The following EYA2 variants were observed in gnomAD, a reference collection of about 807,000 sequenced individuals.
EYA2 encodes EYA transcriptional coactivator and phosphatase 2.
In EYA2, 31 loss-of-function variants were observed where a neutral mutation model predicts 69.2. The ratio of observed to expected loss-of-function variants is 0.45; its 90% CI spans 0.34 to 0.60. EYA2 has a LOEUF of 0.60. Among genes scored for constraint, EYA2 ranks in the 20% least tolerant of loss-of-function variants. The pLI is 0.02. For missense variants in EYA2, 622 were observed against 701.2 expected, an observed-to-expected ratio of 0.89 and a Z score of 1.28; for synonymous variants, 257 against 279.4, an observed-to-expected ratio of 0.92 and a Z score of 0.80.
intron 6 of EYA2, among the ~76,000 whole-genome samples, chr20:47,072,787 C>G (rs1010183541): frequency 3.3e-5 from 5 of 152,316 alleles, no homozygotes; most frequent in East Asian, 3.9e-4. Flanking sequence ...TGCAGTAACT[C>G]TGCTGTGTGT....
intron 1 of EYA2, among the ~76,000 whole-genome samples, chr20:46,987,820 G>A (rs559748692): frequency 8.0e-5 from 12 of 150,708 alleles, no homozygotes; most frequent in Non-Finnish European, 1.0e-4. Context: ...TCAGCTACTC[G>A]GGAGGCTGAG....
At chr20:47,166,413 AAAAAAAAAAAAAAAAAAAG>A (rs2034192698) in intron 10 of EYA2, among the ~76,000 whole-genome samples, 2 of 142,776 alleles carry the variant, frequency 1.4e-5, no homozygotes, top group African/African-American at 2.7e-5. Context: ...AAAAAAAAAA[AAAAAAAAAAAAAAAAAAAG>A]CTTTTTGCTT....
chr20:46,964,040 G>A (rs957368168), intron 1 of EYA2, among the ~76,000 whole-genome samples: 10 of 152,226 alleles, frequency 6.6e-5, no homozygotes, highest in Non-Finnish European at 1.3e-4. Flanking sequence ...AGCCAGCATC[G>A]CAGGAAGAAA....
chr20:46,998,758 C>G (rs79197185), intron 2 of EYA2, among the ~76,000 whole-genome samples: 2,445 of 152,328 alleles, frequency 0.016, 43 homozygotes, highest in African/African-American at 0.046. Flanking sequence ...TACACTCACT[C>G]TCCAGTTTCT....
rs753982293 is a variant in EYA2, at chr20:47,089,226, T to C, written c.662-13T>C. Reference sequence around the variant, plus strand: ...AGCTTCTGATTTGTCCACCATTCCCTTTCTTACGCCAGGTGAATACAACAC... The same window carrying C: ...AGCTTCTGATTTGTCCACCATTCCCCTTCTTACGCCAGGTGAATACAACAC... On this transcript the variant is annotated splice_polypyrimidine_tract_variant and intron_variant, in intron 7 of 15. Transcript: ENST00000327619. 1.2e-6 allele frequency: 2 copies of C among 1,612,862 alleles called. No homozygotes were observed. Among genetic ancestry groups the C allele is most frequent in the Non-Finnish European group, 1.7e-6 (2 of 1,179,140 alleles).
At chr20:46,923,240 C>T (rs1314932770) in intron 1 of EYA2, among the ~76,000 whole-genome samples, 1 of 152,138 alleles carries the variant, frequency 6.6e-6, no homozygotes, top group East Asian at 1.9e-4. Context: ...GTGGCAGACA[C>T]CTGTAATACC....
chr20:47,027,375 A>G (rs1984154976), intron 5 of EYA2, among the ~76,000 whole-genome samples: 1 of 152,196 alleles, frequency 6.6e-6, no homozygotes. Context: ...CCTAATGTGA[A>G]TCAGCAACTC....
At chr20:47,118,569 G>A (rs983354194) in intron 9 of EYA2, among the ~76,000 whole-genome samples, 5 of 152,144 alleles carry the variant, frequency 3.3e-5, no homozygotes, top group African/African-American at 1.2e-4. Context: ...GCTTCCCTAA[G>A]CCAGGGACCT....
chr20:46,916,679 G>A (rs891415026), intron 1 of EYA2, among the ~76,000 whole-genome samples: 4 of 152,212 alleles, frequency 2.6e-5, no homozygotes, highest in African/African-American at 9.7e-5. Context: ...TTGAGGTTAA[G>A]GTTGACTTTC....
At chr20:46,953,434 G>T (rs933588449) in intron 1 of EYA2, among the ~76,000 whole-genome samples, 9 of 152,198 alleles carry the variant, frequency 5.9e-5, no homozygotes, top group African/African-American at 2.2e-4. Flanking sequence ...CAACATAGAA[G>T]ATTAGGTAGG....
At chr20:47,073,758 C>A (rs928430569) in intron 6 of EYA2, among the ~76,000 whole-genome samples, 3 of 152,002 alleles carry the variant, frequency 2.0e-5, no homozygotes, top group African/African-American at 7.3e-5. Context: ...AATTAAAGCC[C>A]CCTGGGTGCA....
At chr20:46,974,306 T>G (rs996799846) in intron 1 of EYA2, among the ~76,000 whole-genome samples, 3 of 152,200 alleles carry the variant, frequency 2.0e-5, no homozygotes, top group African/African-American at 7.2e-5. Flanking sequence ...CAATATTCAG[T>G]TTCTCTTACC....
At position 46,969,036 on chromosome 20, in the gene EYA2, T is replaced by G. The variant is rs2146297267; in HGVS notation, c.-10-20965T>G. On this transcript the variant is annotated intron_variant, in intron 1 of 15. Coordinates refer to ENST00000327619, the MANE Select transcript of EYA2 (RefSeq NM_005244.5). Reference sequence around the variant, plus strand: ...TGTGATGATTTGACCTACACGGCTCTTTCTTGTCTGTTTTCAGCTAACAGG... The same window carrying G: ...TGTGATGATTTGACCTACACGGCTCGTTCTTGTCTGTTTTCAGCTAACAGG... 5.3e-5 allele frequency among the ~76,000 whole-genome samples: 8 copies of G among 152,268 alleles called. 1 individual carries two copies. The South Asian group carries it at 1.7e-3, about 32-fold the overall frequency.
intron 5 of EYA2, among the ~76,000 whole-genome samples, chr20:47,026,483 C>G (rs553125176): frequency 6.7e-6 from 1 of 148,214 alleles, no homozygotes; most frequent in East Asian, 2.0e-4. Context: ...GTCAAAACAA[C>G]AAAACAAATG....
intron 1 of EYA2, among the ~76,000 whole-genome samples, chr20:46,961,793 C>A (rs1442595736): frequency 6.6e-6 from 1 of 152,180 alleles, no homozygotes; most frequent in African/African-American, 2.4e-5. Flanking sequence ...ACCACATGTT[C>A]TCACTCATAG....
chr20:46,902,585 T>C (rs1014336388), intron 1 of EYA2, among the ~76,000 whole-genome samples: 6 of 152,236 alleles, frequency 3.9e-5, no homozygotes, highest in African/African-American at 1.4e-4. Flanking sequence ...AACTTCCCTT[T>C]CTCCATCTGT....
chr20:47,138,061 G>A (rs1023641268), intron 9 of EYA2, among the ~76,000 whole-genome samples: 19 of 151,504 alleles, frequency 1.3e-4, no homozygotes, highest in Non-Finnish European at 2.8e-4. Context: ...AATGGGTGCA[G>A]CACACCAGCA....
chr20:47,028,523 G>A lies in EYA2; in HGVS notation c.415+12226G>A, dbSNP rs183599265. On this transcript the variant is annotated intron_variant, in intron 5 of 15. Transcript: ENST00000327619. ...CAGAAGCTGGTGCCTTCATATAGCCGTCATCCCAGTAGATATTAAGGGAGC... is the reference window on the plus strand; with the variant it reads ...CAGAAGCTGGTGCCTTCATATAGCCATCATCCCAGTAGATATTAAGGGAGC... Among the ~76,000 whole-genome samples the A allele has an allele frequency of 1.3e-3, 195 of 152,306 alleles. 1 individual carries two copies. Among genetic ancestry groups the A allele is most frequent in the African/African-American group, 4.5e-3 (188 of 41,572 alleles).
At chr20:47,055,778 G>GT (rs2030581641) in intron 5 of EYA2, among the ~76,000 whole-genome samples, 1 of 152,126 alleles carries the variant, frequency 6.6e-6, no homozygotes, top group Admixed American at 6.5e-5. Context: ...TTGATCCCCT[G>GT]TTTAACTGAA....
Sources: gnomAD v4.1 joint callset for allele counts (sites outside exome capture counted in the v4.1 genomes callset) on GRCh38, gnomAD v4.1.1 for gene constraint, MANE v1.5 for transcripts, NCBI Gene and HGNC (gene_info 2026-07-23, HGNC 2026-07-21) for gene names.